SPTSSA: variants seen among roughly 807,000 people sequenced by gnomAD.
The protein encoded by SPTSSA is small subunit of serine palmitoyltransferase A.
A neutral mutation model predicts 9.1 loss-of-function variants in SPTSSA; 8 were observed. That is an observed-to-expected ratio of 0.88 (90% confidence interval 0.51 to 1.58). SPTSSA has a LOEUF of 1.58. SPTSSA is among the 40% of genes most tolerant of loss of function. The probability of loss-of-function intolerance (pLI) is 0.00; values close to 1 mark genes in which losing one functional copy is unlikely to be tolerated. For synonymous variants in SPTSSA, 42 were observed against 37.7 expected, an observed-to-expected ratio of 1.11 and a Z score of -0.41; for missense variants, 100 against 93.8, an observed-to-expected ratio of 1.07 and a Z score of -0.27.
chr14:34,448,171 G>A (rs935599195), intron 1 of SPTSSA, among the ~76,000 whole-genome samples: 17 of 151,984 alleles, frequency 1.1e-4, no homozygotes, highest in African/African-American at 2.4e-4. Context: ...CAGGAGAATC[G>A]CTTGAACTCG....
chr14:34,444,502 C>T (rs564510024), intron 1 of SPTSSA, among the ~76,000 whole-genome samples: 13 of 152,212 alleles, frequency 8.5e-5, no homozygotes, highest in South Asian at 2.1e-4. Flanking sequence ...ACCTGTAATC[C>T]CAGCACTTTG....
chr14:34,449,004 G>A (rs1041976483), intron 1 of SPTSSA, among the ~76,000 whole-genome samples: 1 of 151,930 alleles, frequency 6.6e-6, no homozygotes, highest in Non-Finnish European at 1.5e-5. Context: ...TATCTAAAAA[G>A]ATAAAAAGTT....
At chr14:34,453,451 C>T (rs1023996235) in intron 1 of SPTSSA, among the ~76,000 whole-genome samples, 2 of 152,228 alleles carry the variant, frequency 1.3e-5, no homozygotes, top group African/African-American at 4.8e-5. Context: ...AATGGCAGCC[C>T]ACACTGTCTG....
chr14:34,460,811 T>C (rs1338055894), intron 1 of SPTSSA, among the ~76,000 whole-genome samples: 3 of 152,198 alleles, frequency 2.0e-5, no homozygotes, highest in African/African-American at 4.8e-5. Context: ...TACAAATAAA[T>C]GGTGCAGGAA....
intron 1 of SPTSSA, among the ~76,000 whole-genome samples, chr14:34,446,692 T>C (rs1883428017): frequency 2.0e-5 from 3 of 152,206 alleles, no homozygotes; most frequent in East Asian, 3.8e-4. Flanking sequence ...TCTTTTTCCA[T>C]GGTTTAAAGT....
intron 1 of SPTSSA, among the ~76,000 whole-genome samples, chr14:34,441,870 G>A (rs941158143): frequency 3.3e-5 from 5 of 151,304 alleles, no homozygotes; most frequent in South Asian, 2.1e-4. Context: ...GTCTTTCAGC[G>A]GCTGTTTTTT....
chr14:34,442,543 A>G (rs1418558422), intron 1 of SPTSSA, among the ~76,000 whole-genome samples: 1 of 152,242 alleles, frequency 6.6e-6, no homozygotes, highest in Non-Finnish European at 1.5e-5. Flanking sequence ...TGCTCCTGGC[A>G]GAGGTTCTGA....
chr14:34,447,435 T>C (rs1954538431), intron 1 of SPTSSA, among the ~76,000 whole-genome samples: 1 of 152,054 alleles, frequency 6.6e-6, no homozygotes, highest in African/African-American at 2.4e-5. Context: ...AATGCTTCCA[T>C]GCAGCCATCT....
intron 1 of SPTSSA, among the ~76,000 whole-genome samples, chr14:34,440,353 G>A (rs1423473416): frequency 6.6e-6 from 1 of 152,098 alleles, no homozygotes; most frequent in Non-Finnish European, 1.5e-5. Context: ...CTTTTTCACA[G>A]CTTTTATATA....
chr14:34,451,547 C>T (rs545552742), intron 1 of SPTSSA, among the ~76,000 whole-genome samples: 1 of 151,838 alleles, frequency 6.6e-6, no homozygotes, highest in Non-Finnish European at 1.5e-5. Context: ...CACGGTGAAA[C>T]CCCGTCTCTA....
In SPTSSA at chr14:34,435,361, CAT is replaced by C. The variant is rs573250166; in HGVS notation, c.113-59_113-58del. On this transcript the variant is annotated intron_variant, in intron 1 of 1. Transcript: ENST00000298130. The stretch of plus-strand genomic sequence containing the variant: ...TAATTTATTCAAAACTAAATCTCCA[CAT>C]GTCTTCAACAACTCTTTTATGCTGA... 735 of 1,275,178 alleles carry C rather than the reference CAT, an allele frequency of 5.8e-4. 1 individual carries two copies. The highest frequency in any genetic ancestry group is 4.8e-3 in the African/African-American group (321 of 67,054). 79.0% of individuals were successfully genotyped at this position (1,275,178 alleles called of 1,614,324 possible). A position where few individuals can be genotyped will look rare whatever the true frequency, so the allele number is the denominator to read the frequency against.
At position 34,458,435 on chromosome 14, in the gene SPTSSA, C is replaced by T. The variant is rs1337543157; in HGVS notation, c.112+3661G>A. Among the ~76,000 whole-genome samples, 4 of 152,060 alleles carry T rather than the reference C, an allele frequency of 2.6e-5. No individual in the cohort carries two copies. The East Asian group carries it at 5.8e-4, about 22-fold the overall frequency. ...CTGGACTCCAGCTATCTGCCCACCG[C>T]GGCCTCCCAGAGTGCTGGGATTACA... is the stretch of plus-strand genomic sequence containing the variant. On this transcript the variant is annotated intron_variant, in intron 1 of 1. Transcript: ENST00000298130.
chr14:34,454,355 G>A (rs1883577250), intron 1 of SPTSSA, among the ~76,000 whole-genome samples: 1 of 152,162 alleles, frequency 6.6e-6, no homozygotes, highest in African/African-American at 2.4e-5. Context: ...ATCAATGTGT[G>A]GTCTGTTCCC....
chr14:34,440,038 C>A (rs1180414732), intron 1 of SPTSSA, among the ~76,000 whole-genome samples: 1 of 152,192 alleles, frequency 6.6e-6, no homozygotes, highest in African/African-American at 2.4e-5. Flanking sequence ...GCTCATAAAG[C>A]TCCTTTAATA....
chr14:34,435,564 T>C (rs1468603179), intron 1 of SPTSSA, among the ~76,000 whole-genome samples: 3 of 152,062 alleles, frequency 2.0e-5, no homozygotes, highest in Non-Finnish European at 4.4e-5. Context: ...AGTACTGTTA[T>C]TCTCCCTGTG....
intron 1 of SPTSSA, among the ~76,000 whole-genome samples, chr14:34,460,705 T>C (rs1349269375): frequency 2.0e-5 from 3 of 152,214 alleles, no homozygotes; most frequent in Non-Finnish European, 4.4e-5. Flanking sequence ...AAGATATACT[T>C]GCTTCTACTG....
intron 1 of SPTSSA, among the ~76,000 whole-genome samples, chr14:34,452,760 T>C (rs948839761): frequency 6.6e-6 from 1 of 152,204 alleles, no homozygotes; most frequent in African/African-American, 2.4e-5. Context: ...GGGAAAAATT[T>C]CCCAGTCTGC....
intron 1 of SPTSSA, among the ~76,000 whole-genome samples, chr14:34,446,053 G>C (rs969477746): frequency 6.6e-6 from 1 of 152,164 alleles, no homozygotes; most frequent in Non-Finnish European, 1.5e-5. Flanking sequence ...CATGCAAGAG[G>C]GCTGATGTTG....
chr14:34,441,286 T>G (rs1404248813), intron 1 of SPTSSA, among the ~76,000 whole-genome samples: 1 of 152,148 alleles, frequency 6.6e-6, no homozygotes, highest in South Asian at 2.1e-4. Context: ...AGCCTCCCCA[T>G]AGGGTGCAGG....
Sources: allele counts gnomAD v4.1 joint callset (sites outside exome capture counted in the v4.1 genomes callset), GRCh38; gene constraint gnomAD v4.1.1; transcripts MANE v1.5; gene names NCBI Gene and HGNC (gene_info 2026-07-23, HGNC 2026-07-21).